Variants in RYR2 observed in about 807,000 individuals in gnomAD.
RYR2 encodes the protein ryanodine receptor 2.
In RYR2, 227 loss-of-function variants were observed where a neutral mutation model predicts 601.1. The ratio of observed to expected loss-of-function variants is 0.38; its 90% CI spans 0.34 to 0.42. The LOEUF (loss-of-function observed/expected upper bound fraction) is 0.42. Among genes scored for constraint, RYR2 ranks in the 10% least tolerant of loss-of-function variants. The pLI, the probability that RYR2 is intolerant of heterozygous loss-of-function variation, is 1.00. For synonymous variants in RYR2, 2,223 were observed against 2,175.1 expected, an observed-to-expected ratio of 1.02 and a Z score of -0.61; for missense variants, 4,646 against 6,156.5, an observed-to-expected ratio of 0.75 and a Z score of 8.21.
Position 237,506,738 on chromosome 1 carries a change from T to G in RYR2, c.2642T>G (p.Ile881Arg), listed in dbSNP as rs762792701. The G allele has an allele frequency of 7.4e-6, 12 of 1,613,468 alleles. No homozygotes were observed. In the East Asian group the frequency reaches 2.7e-4, roughly 36 times the overall value. Residue 881 changes from isoleucine to arginine, a missense_variant, in exon 23 of 105, where the codon ATA (isoleucine) becomes AGA (arginine). Ile to Arg is a moderately conservative substitution (Grantham distance 97). Around this residue, in one of 17 missense-constraint regions of RYR2, gnomAD observed 1,807 missense variants for 2,088.1 expected, o/e 0.87. Coordinates refer to ENST00000366574, the MANE Select transcript of RYR2 (RefSeq NM_001035.3). ...GTGTTGCCTCCTCATCTAGAAAGAA[T>G]AAGAGAAAAACTGGCAGAGAATATC... ...QIVLPPHLER[I>R]REKLAENIHE...
chr1:237,614,916 C>T lies in RYR2; in HGVS notation c.5715+73C>T. Reference sequence around the variant, plus strand: ...AAGGTATTAGAACATGCCTTTGTTTCTTTCTCTGTGTGTGTGTTTATTTCT... The same window carrying T: ...AAGGTATTAGAACATGCCTTTGTTTTTTTCTCTGTGTGTGTGTTTATTTCT... On this transcript the variant is annotated intron_variant, in intron 37 of 104. Coordinates refer to ENST00000366574, the MANE Select transcript of RYR2 (RefSeq NM_001035.3). The surrounding 1 kb of genome is among the most constrained non-coding windows in gnomAD (Gnocchi z 4.3). 7.1e-7 allele frequency: 1 copy of T among 1,401,330 alleles called. No individual in the cohort carries two copies. The highest frequency in any genetic ancestry group is 2.4e-5 in the East Asian group (1 of 42,190). The allele number at this position is 1,401,330 out of a possible 1,614,324, so 86.8% of individuals were successfully genotyped here. A position where few individuals can be genotyped will look rare whatever the true frequency, so the allele number is the denominator to read the frequency against.
At chr1:237,440,825 AT>A (rs147111960) in intron 12 of RYR2, among the ~76,000 whole-genome samples, 8,127 of 151,456 alleles carry the variant, frequency 0.054, 294 homozygotes, top group Non-Finnish European at 0.081. Context: ...CATTATCTTA[AT>A]TTTTTTTTGA....
chr1:237,117,720 CT>C (rs1279312801), intron 1 of RYR2, among the ~76,000 whole-genome samples: 1 of 142,662 alleles, frequency 7.0e-6, no homozygotes, highest in African/African-American at 2.7e-5. Flanking sequence ...CTCTTCTCTT[CT>C]CTTCTCTTCT....
At chr1:237,693,325 A>G (rs1011680566) in intron 63 of RYR2, among the ~76,000 whole-genome samples, 1 of 152,148 alleles carries the variant, frequency 6.6e-6, no homozygotes, top group Non-Finnish European at 1.5e-5. Flanking sequence ...CATGAAACTC[A>G]ACCAACAATG....
At chr1:237,103,760 G>T (rs1231061857) in intron 1 of RYR2, among the ~76,000 whole-genome samples, 1 of 152,140 alleles carries the variant, frequency 6.6e-6, no homozygotes, top group Non-Finnish European at 1.5e-5. Flanking sequence ...GTAGAGACAG[G>T]GTTTTACCAT....
At chr1:237,745,336 C>T (rs1011023645) in intron 80 of RYR2, among the ~76,000 whole-genome samples, 35 of 151,856 alleles carry the variant, frequency 2.3e-4, no homozygotes, top group African/African-American at 5.8e-4. Flanking sequence ...TTTTTTATCA[C>T]GAATTATTTC....
intron 1 of RYR2, among the ~76,000 whole-genome samples, chr1:237,098,387 A>ATGTGTGTGTGTGTGTGTG (rs937631817): frequency 6.3e-5 from 3 of 47,380 alleles, no homozygotes; most frequent in African/African-American, 1.5e-4. Context: ...CATTGTGTGT[A>ATGTGTGTGTGTGTGTGTG]TGTGTGTGTG....
chr1:237,485,506 G>C (rs1319911684), intron 17 of RYR2, among the ~76,000 whole-genome samples: 1 of 152,164 alleles, frequency 6.6e-6, no homozygotes, highest in Non-Finnish European at 1.5e-5. Context: ...TTCATCTCAG[G>C]GCATTGGTAA....
In RYR2 at chr1:237,792,207, G is replaced by T. The variant is rs189345192; in HGVS notation, c.13666G>T (p.Ala4556Ser). 2 of 1,613,644 alleles carry T rather than the reference G, an allele frequency of 1.2e-6. No individual in the cohort carries two copies. The highest frequency in any genetic ancestry group is 1.3e-5 in the African/African-American group (1 of 74,980). Residue 4556 changes from alanine (A) to serine (S), a missense_variant, in exon 94 of 105, where the codon GCA becomes TCA. Physicochemically the swap from Ala to Ser is moderately conservative, Grantham distance 99. Coordinates refer to ENST00000366574, the MANE Select transcript of RYR2 (RefSeq NM_001035.3). ...GGACAGCAGCTCCCATAGAATCATC[G>T]CAGTTCACTATGTACTAGAGGAGAG... ...SLDSSSHRII[A>S]VHYVLEESSG... is the part of the protein sequence containing the mutation.
intron 1 of RYR2, among the ~76,000 whole-genome samples, chr1:237,213,566 T>C (rs1682822118): frequency 6.6e-6 from 1 of 152,182 alleles, no homozygotes; most frequent in African/African-American, 2.4e-5. Context: ...CTTAATACAT[T>C]ATTTGCCTGC....
chr1:237,320,004 G>T (rs753766811), intron 2 of RYR2, among the ~76,000 whole-genome samples: 3 of 152,190 alleles, frequency 2.0e-5, no homozygotes, highest in Non-Finnish European at 4.4e-5. Context: ...TGACATGGTA[G>T]AACCTCCACA....
chr1:237,582,556 A>G (rs1674041217), intron 29 of RYR2, among the ~76,000 whole-genome samples: 1 of 152,078 alleles, frequency 6.6e-6, no homozygotes, highest in African/African-American at 2.4e-5. Flanking sequence ...ATGGCACCCA[A>G]TAATTTTGCA....
At chr1:237,366,913 CA>C (rs1322031238) in intron 5 of RYR2, among the ~76,000 whole-genome samples, 1 of 152,014 alleles carries the variant, frequency 6.6e-6, no homozygotes, top group Non-Finnish European at 1.5e-5. Flanking sequence ...CAAAGTAATT[CA>C]AACCAGACAA....
At chr1:237,383,874 T>G (rs955612557) in intron 8 of RYR2, among the ~76,000 whole-genome samples, 4 of 152,132 alleles carry the variant, frequency 2.6e-5, no homozygotes, top group African/African-American at 9.7e-5. Flanking sequence ...GGTGGACTGG[T>G]GCTACTATAT....
chr1:237,478,506 T>G (rs1661658424), intron 17 of RYR2, among the ~76,000 whole-genome samples: 1 of 152,236 alleles, frequency 6.6e-6, no homozygotes, highest in African/African-American at 2.4e-5. Flanking sequence ...ACAAGATTAA[T>G]TTGATTTATT....
chr1:237,226,665 G>T (rs1255770572), intron 1 of RYR2, among the ~76,000 whole-genome samples: 1 of 152,132 alleles, frequency 6.6e-6, no homozygotes, highest in African/African-American at 2.4e-5. Flanking sequence ...GGTGAAATCT[G>T]TGGTACTTAA....
At position 237,417,134 on chromosome 1, in the gene RYR2, C is replaced by G. The variant is rs1705085604; in HGVS notation, c.848+11C>G. On this transcript the variant is annotated intron_variant, in intron 11 of 104. Coordinates refer to ENST00000366574, the MANE Select transcript of RYR2 (RefSeq NM_001035.3). The stretch of plus-strand genomic sequence containing the variant: ...GACGCTAAGAGTTGCGTAAGTAGAA[C>G]TTCTAAACACAGCCTAATGCACCAA... The G allele has an allele frequency of 6.2e-7, 1 of 1,603,810 alleles. No individual in the cohort carries two copies. Among genetic ancestry groups the G allele is most frequent in the African/African-American group, 1.3e-5 (1 of 74,828 alleles).
intron 8 of RYR2, 137 bp from the exon 9 acceptor site, chr1:237,387,144 C>T: frequency 4.0e-6 from 3 of 744,284 alleles, no homozygotes; most frequent in Admixed American, 2.2e-5. Flanking sequence ...TTTTTTGATT[C>T]TTGAATGACA....
chr1:237,727,287 C>A (rs1159724329), intron 76 of RYR2, 88 bp downstream of exon 76: 2 of 520,778 alleles, frequency 3.8e-6, no homozygotes, highest in Admixed American at 3.5e-5. Flanking sequence ...AATAGGGGTA[C>A]AATAGTCCAA....
Sources: gnomAD v4.1 joint callset for allele counts (sites outside exome capture counted in the v4.1 genomes callset) on GRCh38, gnomAD v4.1.1 for gene constraint, gnomAD v4.1.1 regional missense constraint, Gnocchi (gnomAD v3.1) non-coding constraint, MANE v1.5 for transcripts, NCBI Gene and HGNC (gene_info 2026-07-23, HGNC 2026-07-21) for gene names.